Variants in CCDC171 observed in about 807,000 individuals in gnomAD.
The protein encoded by CCDC171 is coiled-coil domain containing 171, also known as coiled-coil domain-containing protein 171.
CCDC171 carries 177 observed loss-of-function variants against 168.2 expected under a neutral mutation model. The observed-to-expected ratio is 1.05, with a 90% CI of 0.93 to 1.19. CCDC171 has a LOEUF of 1.19. CCDC171 is among the 50% of genes most tolerant of loss of function. CCDC171 has a pLI of 0.00. For missense variants in CCDC171, 1,991 were observed against 1,539.0 expected (o/e 1.29, Z -4.91); for synonymous variants, 687 against 540.8 (o/e 1.27, Z -3.75).
chr9:15,721,910 C>A, intron 12 of CCDC171, 35 bp downstream of exon 12: 1 of 1,177,910 alleles, frequency 8.5e-7, no homozygotes, highest in Non-Finnish European at 1.2e-6. Flanking sequence ...ACACATATAG[C>A]CTTCGGCCTG....
chr9:15,581,417 C>A (rs928885759), intron 4 of CCDC171, among the ~76,000 whole-genome samples: 3 of 152,012 alleles, frequency 2.0e-5, no homozygotes, highest in Non-Finnish European at 4.4e-5. Flanking sequence ...CTTCACAGAA[C>A]TGGAAAAAAC....
At chr9:15,657,710 A>G (rs373199964) in intron 8 of CCDC171, among the ~76,000 whole-genome samples, 28 of 152,346 alleles carry the variant, frequency 1.8e-4, no homozygotes, top group African/African-American at 5.8e-4. Context: ...CAGAGATACT[A>G]TATATCTATC....
intron 24 of CCDC171, among the ~76,000 whole-genome samples, chr9:15,891,011 T>C (rs1820144612): frequency 6.6e-6 from 1 of 152,192 alleles, no homozygotes; most frequent in Admixed American, 6.6e-5. Context: ...AATTTGCTTT[T>C]CTTCAGGTAT....
chr9:15,947,831 T>A (rs1358182570), intron 25 of CCDC171, among the ~76,000 whole-genome samples: 9 of 151,888 alleles, frequency 5.9e-5, no homozygotes, highest in South Asian at 4.2e-4. Flanking sequence ...TTATTTTTTT[T>A]TAATTTATTA....
intron 11 of CCDC171, among the ~76,000 whole-genome samples, chr9:15,721,144 G>A (rs1588136460): frequency 2.0e-5 from 3 of 151,978 alleles, no homozygotes; most frequent in South Asian, 2.1e-4. Flanking sequence ...CAGTTTTAAG[G>A]GTTTTAATTG....
At chr9:15,713,292 A>C (rs1270068227) in intron 11 of CCDC171, among the ~76,000 whole-genome samples, 1 of 144,790 alleles carries the variant, frequency 6.9e-6, no homozygotes, top group African/African-American at 2.6e-5. Context: ...CATAACATAC[A>C]GAACCATCTA....
At chr9:15,926,314 C>A (rs1168524261) in intron 25 of CCDC171, among the ~76,000 whole-genome samples, 1 of 151,508 alleles carries the variant, frequency 6.6e-6, no homozygotes, top group Non-Finnish European at 1.5e-5. Context: ...TAGTTCCATT[C>A]CCCCTCTTAA....
At chr9:15,925,677 C>G (rs763396681) in intron 25 of CCDC171, among the ~76,000 whole-genome samples, 13 of 151,544 alleles carry the variant, frequency 8.6e-5, no homozygotes, top group Non-Finnish European at 1.8e-4. Context: ...GTCTCATTTA[C>G]TGATAAAGAA....
intron 11 of CCDC171, among the ~76,000 whole-genome samples, chr9:15,695,961 T>C (rs1386358076): frequency 6.6e-6 from 1 of 152,242 alleles, no homozygotes; most frequent in Non-Finnish European, 1.5e-5. Context: ...TAATGAATTC[T>C]GTTCACTATT....
chr9:16,012,548 T>TG (rs1194474569), intron 3 of CCDC171, among the ~76,000 whole-genome samples: 3 of 152,008 alleles, frequency 2.0e-5, no homozygotes, highest in Non-Finnish European at 4.4e-5. Context: ...ATTGAATTTT[T>TG]TTTTTTACTA....
intron 18 of CCDC171, among the ~76,000 whole-genome samples, chr9:15,756,959 A>G (rs775405544): frequency 6.6e-6 from 1 of 152,204 alleles, no homozygotes; most frequent in Admixed American, 6.5e-5. Context: ...ATGTGGAACT[A>G]TAAATCCAAT....
At chr9:15,647,906 C>T (rs547963467) in intron 7 of CCDC171, among the ~76,000 whole-genome samples, 1 of 152,288 alleles carries the variant, frequency 6.6e-6, no homozygotes, top group African/African-American at 2.4e-5. Context: ...ATGAGGCCAG[C>T]ATCATCCTGA....
intron 23 of CCDC171, among the ~76,000 whole-genome samples, chr9:15,870,833 A>G (rs2062008161): frequency 6.6e-6 from 1 of 151,518 alleles, no homozygotes; most frequent in Non-Finnish European, 1.5e-5. Context: ...ATTAGAAAAC[A>G]TTGTTTACTT....
At chr9:16,057,689 C>T (rs1833863119) in intron 1 of CCDC171, among the ~76,000 whole-genome samples, 1 of 152,236 alleles carries the variant, frequency 6.6e-6, no homozygotes, top group Admixed American at 6.5e-5. Context: ...TTCCCTCCCT[C>T]TGCCACACAC....
At chr9:15,725,132 C>T (rs1370335206) in intron 14 of CCDC171, among the ~76,000 whole-genome samples, 156 bp downstream of exon 14, 1 of 152,192 alleles carries the variant, frequency 6.6e-6, no homozygotes, top group Non-Finnish European at 1.5e-5. Flanking sequence ...CTCCATTACT[C>T]TTGTGTCATT....
intron 11 of CCDC171, among the ~76,000 whole-genome samples, 175 bp downstream of exon 11, chr9:15,695,512 C>T (rs184866081): frequency 3.2e-4 from 48 of 152,268 alleles, no homozygotes; most frequent in South Asian, 8.3e-4. Flanking sequence ...GAAAGGGTGA[C>T]GGAATATGGA....
chr9:15,623,239 A>G (rs769816676), intron 6 of CCDC171, 28 bp from the exon 7 acceptor site: 7 of 1,531,906 alleles, frequency 4.6e-6, no homozygotes, highest in Non-Finnish European at 4.4e-6. Context: ...TATAAACTTT[A>G]TTGATGCAAA....
chr9:15,705,122 T>A (rs1039389597), intron 11 of CCDC171, among the ~76,000 whole-genome samples: 1,892 of 77,464 alleles, frequency 0.024, 36 homozygotes, highest in African/African-American at 0.065. Flanking sequence ...ACACACACAC[T>A]CTCACTCACT....
intron 16 of CCDC171, among the ~76,000 whole-genome samples, chr9:15,742,795 T>C (rs1179456527): frequency 6.6e-6 from 1 of 152,068 alleles, no homozygotes; most frequent in African/African-American, 2.4e-5. Context: ...TAGTAACTAA[T>C]CAATACTTTT....
Sources: allele counts gnomAD v4.1 joint callset (sites outside exome capture counted in the v4.1 genomes callset), GRCh38; gene constraint gnomAD v4.1.1; transcripts MANE v1.5; gene names NCBI Gene and HGNC (gene_info 2026-07-23, HGNC 2026-07-21).